PLS1: variants seen among roughly 807,000 people sequenced by gnomAD.
PLS1 encodes plastin-1.
A neutral mutation model predicts 73.7 loss-of-function variants in PLS1; 32 were observed. The ratio of observed to expected loss-of-function variants is 0.43; its 90% confidence interval spans 0.33 to 0.58. PLS1 has a LOEUF of 0.58. Ranked by LOEUF, PLS1 falls within the 20% of genes least tolerant of loss-of-function variation. The pLI, the probability that PLS1 is intolerant of heterozygous loss-of-function variation, is 0.04. For missense variants in PLS1, 633 were observed against 740.5 expected (o/e 0.85, Z 1.68); for synonymous variants, 217 against 261.3 (o/e 0.83, Z 1.63).
chr3:142,628,340 TGCGC>T (rs949424654), intron 1 of PLS1, among the ~76,000 whole-genome samples: 3 of 29,104 alleles, frequency 1.0e-4, no homozygotes, highest in African/African-American at 8.2e-4. Flanking sequence ...TGTGTGTGTG[TGCGC>T]GCACATGTGC....
chr3:142,630,791 T>G (rs1428477366), intron 1 of PLS1, among the ~76,000 whole-genome samples: 1 of 151,778 alleles, frequency 6.6e-6, no homozygotes, highest in Admixed American at 6.6e-5. Flanking sequence ...ACCTTGAATA[T>G]CCAAAGCAAT....
At chr3:142,671,901 C>G (rs1203675772) in intron 4 of PLS1, among the ~76,000 whole-genome samples, 2 of 152,078 alleles carry the variant, frequency 1.3e-5, no homozygotes, top group African/African-American at 2.4e-5. Context: ...TAGCGATACA[C>G]TCAAATTTCT....
Position 142,632,925 on chromosome 3 carries a change from G to A in PLS1, c.-36-31277G>A, listed in dbSNP as rs1409438053. On this transcript the variant is annotated intron_variant, in intron 1 of 15. Coordinates refer to ENST00000457734, the MANE Select transcript of PLS1 (RefSeq NM_001145319.2). ...AGAGCAGGATCTTAAACAGATATTT[G>A]CATATCCATGTTCATTGCATCATTA... Among the ~76,000 whole-genome samples, 3 of 152,074 alleles carry A rather than the reference G, an allele frequency of 2.0e-5. No homozygotes were observed. In the East Asian group the frequency reaches 5.8e-4, roughly 29 times the overall value.
At chr3:142,666,262 A>C (rs1387384074) in intron 2 of PLS1, among the ~76,000 whole-genome samples, 1 of 152,158 alleles carries the variant, frequency 6.6e-6, no homozygotes, top group Non-Finnish European at 1.5e-5. Context: ...TACATTCATC[A>C]CCACCATCCC....
At chr3:142,667,602 C>T (rs1173479467) in intron 2 of PLS1, among the ~76,000 whole-genome samples, 1 of 152,184 alleles carries the variant, frequency 6.6e-6, no homozygotes, top group Non-Finnish European at 1.5e-5. Context: ...CTTGTCATGT[C>T]ACACCAAAAC....
intron 1 of PLS1, among the ~76,000 whole-genome samples, chr3:142,657,340 T>C (rs931178191): frequency 6.6e-6 from 1 of 152,168 alleles, no homozygotes; most frequent in African/African-American, 2.4e-5. Context: ...CCTGATCCGA[T>C]TGCCAGGACA....
intron 1 of PLS1, among the ~76,000 whole-genome samples, chr3:142,603,769 C>CA (rs5853074): frequency 0.39 from 54,092 of 140,262 alleles, 10,185 homozygotes; most frequent in Middle Eastern, 0.48. Flanking sequence ...AACCCTGCCT[C>CA]AAAAAAAAAA....
intron 12 of PLS1, among the ~76,000 whole-genome samples, chr3:142,703,432 A>G (rs1315694317): frequency 1.3e-5 from 2 of 151,568 alleles, no homozygotes; most frequent in African/African-American, 2.4e-5. Context: ...AGTAGATGGG[A>G]TTACAGGCAC....
chr3:142,685,469 G>A (rs1049111941), intron 8 of PLS1, among the ~76,000 whole-genome samples: 3 of 152,150 alleles, frequency 2.0e-5, no homozygotes, highest in Non-Finnish European at 4.4e-5. Context: ...TGCTTCACAT[G>A]GTTTTGGCTG....
intron 3 of PLS1, among the ~76,000 whole-genome samples, 161 bp downstream of exon 3, chr3:142,669,714 A>C (rs983537062): frequency 3.3e-5 from 5 of 152,210 alleles, no homozygotes; most frequent in African/African-American, 1.2e-4. Flanking sequence ...TATCGAAATA[A>C]TTTCCACAAC....
chr3:142,711,356 G>A (rs1933116380), intron 14 of PLS1, 145 bp from the exon 15 acceptor site: 2 of 515,092 alleles, frequency 3.9e-6, no homozygotes, highest in South Asian at 7.7e-5. Context: ...GTTTATTTAT[G>A]TGTGCTGGTT....
chr3:142,601,862 T>C (rs1248171801), intron 1 of PLS1, among the ~76,000 whole-genome samples: 1 of 152,140 alleles, frequency 6.6e-6, no homozygotes, highest in Non-Finnish European at 1.5e-5. Flanking sequence ...GAGAGATAGA[T>C]AAAAGCATTT....
At chr3:142,650,380 G>A (rs940211) in intron 1 of PLS1, among the ~76,000 whole-genome samples, 94,328 of 151,702 alleles carry the variant, frequency 0.62, 29,741 homozygotes, top group African/African-American at 0.66. Context: ...CCCCATGCCC[G>A]GCTAATCTTT....
intron 1 of PLS1, among the ~76,000 whole-genome samples, chr3:142,612,780 A>G (rs549268886): frequency 7.9e-5 from 12 of 151,100 alleles, no homozygotes; most frequent in South Asian, 2.1e-4. Flanking sequence ...TTTAATTTTT[A>G]TTTTTTTTTG....
At chr3:142,658,265 G>C (rs991174851) in intron 1 of PLS1, among the ~76,000 whole-genome samples, 3 of 152,056 alleles carry the variant, frequency 2.0e-5, no homozygotes, top group Admixed American at 6.6e-5. Flanking sequence ...TTGAGGTCAG[G>C]AGTTAGAGAC....
intron 1 of PLS1, among the ~76,000 whole-genome samples, chr3:142,614,629 A>G (rs1160617044): frequency 6.6e-6 from 1 of 152,214 alleles, no homozygotes; most frequent in African/African-American, 2.4e-5. Flanking sequence ...CACAGAGGAC[A>G]TGTGTCCAGG....
chr3:142,633,800 A>G (rs1302488860), intron 1 of PLS1, among the ~76,000 whole-genome samples: 1 of 152,238 alleles, frequency 6.6e-6, no homozygotes, highest in Non-Finnish European at 1.5e-5. Context: ...TCTTTCATCC[A>G]GTAAAAAATT....
chr3:142,653,260 C>T (rs997097629), intron 1 of PLS1, among the ~76,000 whole-genome samples: 9 of 152,066 alleles, frequency 5.9e-5, no homozygotes, highest in Non-Finnish European at 7.4e-5. Context: ...AACGCATGCA[C>T]GTGAGTATGT....
chr3:142,700,093 C>T (rs1057147881), intron 12 of PLS1, among the ~76,000 whole-genome samples: 1 of 152,062 alleles, frequency 6.6e-6, no homozygotes, highest in Admixed American at 6.6e-5. Flanking sequence ...ACAAATGAAT[C>T]ATATGCAGAA....
Sources: gnomAD v4.1 joint callset for allele counts (sites outside exome capture counted in the v4.1 genomes callset) on GRCh38, gnomAD v4.1.1 for gene constraint, MANE v1.5 for transcripts, NCBI Gene and HGNC (gene_info 2026-07-23, HGNC 2026-07-21) for gene names.